ADCY1: variants seen among roughly 807,000 people sequenced by gnomAD.
ADCY1 encodes adenylate cyclase type 1.
ADCY1 carries 28 observed loss-of-function variants against 105.4 expected under a neutral mutation model. The ratio of observed to expected loss-of-function variants is 0.27; its 90% CI spans 0.20 to 0.36. ADCY1 has a LOEUF of 0.36. Ranked by LOEUF, ADCY1 falls within the 10% of genes least tolerant of loss-of-function variation. The probability of loss-of-function intolerance (pLI) is 1.00; values close to 1 mark genes in which losing one functional copy is unlikely to be tolerated. For synonymous variants in ADCY1, 655 were observed against 623.8 expected (o/e 1.05, Z -0.75); for missense variants, 977 against 1,434.2 (o/e 0.68, Z 5.15).
At chr7:45,609,896 G>T (rs1793485696) in intron 2 of ADCY1, among the ~76,000 whole-genome samples, 1 of 152,216 alleles carries the variant, frequency 6.6e-6, no homozygotes, top group African/African-American at 2.4e-5. Context: ...TAAGGGAGAA[G>T]TAAGAAGACA....
Position 45,574,909 on chromosome 7 carries a change from C to G in ADCY1, c.366C>G (p.Val122=), listed in dbSNP as rs755508070. ...RSLQVPQLQQ[V]GQLALLFSLT... is the part of the protein sequence containing the mutation. ...TGCAGGTGCCCCAGCTGCAGCAGGT[C>G]GGCCAGCTGGCGCTGCTCTTCAGCC... is the stretch of plus-strand genomic sequence containing the variant. The change falls in exon 1 of 20, where the codon GTC becomes GTG. Residue 122 remains valine, a synonymous_variant. Transcript: ENST00000297323. The surrounding 1 kb of genome is among the most constrained non-coding windows in gnomAD (Gnocchi z 7.0). 6.2e-7 allele frequency: 1 copy of G among 1,611,820 alleles called. No individual in the cohort carries two copies. Among genetic ancestry groups the G allele is most frequent in the African/African-American group, 1.3e-5 (1 of 74,906 alleles).
At chr7:45,633,842 A>C (rs1267674210) in intron 4 of ADCY1, among the ~76,000 whole-genome samples, 2 of 151,576 alleles carry the variant, frequency 1.3e-5, no homozygotes, top group African/African-American at 2.4e-5. Context: ...AACCGTAATT[A>C]CTTAAATTAC....
At chr7:45,639,104 C>A (rs1217505846) in intron 4 of ADCY1, among the ~76,000 whole-genome samples, 5 of 152,184 alleles carry the variant, frequency 3.3e-5, no homozygotes, top group African/African-American at 4.8e-5. Flanking sequence ...ACAGTCCAAA[C>A]ATATCTTTCT....
At chr7:45,704,304 AG>A (rs1225241551) in intron 16 of ADCY1, among the ~76,000 whole-genome samples, 1 of 151,854 alleles carries the variant, frequency 6.6e-6, no homozygotes, top group African/African-American at 2.4e-5. Flanking sequence ...GGTGGCTGCG[AG>A]CTCACCTGTT....
At chr7:45,604,863 T>C (rs909676220) in intron 2 of ADCY1, among the ~76,000 whole-genome samples, 3 of 152,212 alleles carry the variant, frequency 2.0e-5, no homozygotes, top group Admixed American at 6.5e-5. Flanking sequence ...ACTAAAGAAT[T>C]TGCTGGGATT....
In ADCY1 at chr7:45,595,394, A is replaced by G. The variant is rs187561139; in HGVS notation, c.789+2486A>G. ...TCCCGTTCTCCCTCTCCTTCTGCCT[A>G]TTGGTTTCCAACTTTCTCCCTCCCT... On this transcript the variant is annotated intron_variant, in intron 2 of 19. Coordinates refer to ENST00000297323, the MANE Select transcript of ADCY1 (RefSeq NM_021116.4). Among the ~76,000 whole-genome samples, 891 of 152,046 alleles carry G rather than the reference A, an allele frequency of 5.9e-3. 8 individuals are homozygous for G. Among genetic ancestry groups the G allele is most frequent in the African/African-American group, 0.02 (842 of 41,466 alleles).
At chr7:45,589,325 C>T (rs1432429616) in intron 1 of ADCY1, among the ~76,000 whole-genome samples, 6 of 152,062 alleles carry the variant, frequency 3.9e-5, no homozygotes, top group Non-Finnish European at 8.8e-5. Flanking sequence ...TGCAGATGGC[C>T]CGGGCCGGGC....
At position 45,720,481 on chromosome 7, in the gene ADCY1, A is replaced by C. The variant is rs1430226346; in HGVS notation, c.*6486A>C. On this transcript the variant is annotated 3_prime_UTR_variant, in exon 20 of 20. Coordinates refer to ENST00000297323, the MANE Select transcript of ADCY1 (RefSeq NM_021116.4). The stretch of plus-strand genomic sequence containing the variant: ...CAGTGAGCTGAGATTGCACCATTGC[A>C]CTCCAGCCTGGGCGACAGAGCAAGA... 1 of 150,022 alleles carries C rather than the reference A, an allele frequency of 6.7e-6. No individual in the cohort carries two copies. Among genetic ancestry groups the C allele is most frequent in the Non-Finnish European group, 1.5e-5 (1 of 67,702 alleles). 9.3% of individuals were successfully genotyped at this position (150,022 alleles called of 1,614,324 possible). A position where few individuals can be genotyped will look rare whatever the true frequency, so the allele number is the denominator to read the frequency against.
intron 2 of ADCY1, among the ~76,000 whole-genome samples, chr7:45,594,443 C>T (rs1053283736): frequency 6.6e-6 from 1 of 152,210 alleles, no homozygotes; most frequent in Non-Finnish European, 1.5e-5. Flanking sequence ...CCCTTAACTA[C>T]ATCCTCTGTA....
At chr7:45,626,598 A>T (rs1252610499) in intron 4 of ADCY1, among the ~76,000 whole-genome samples, 1 of 152,232 alleles carries the variant, frequency 6.6e-6, no homozygotes, top group Non-Finnish European at 1.5e-5. Context: ...AGAGAAATGA[A>T]GCAGCAGTCC....
Position 45,686,231 on chromosome 7 carries a change from C to T in ADCY1, c.2327+16C>T. On this transcript the variant is annotated intron_variant, in intron 13 of 19. Coordinates refer to ENST00000297323, the MANE Select transcript of ADCY1 (RefSeq NM_021116.4). The surrounding 1 kb of genome is among the most constrained non-coding windows in gnomAD (Gnocchi z 4.3). ...CCAGGACTGGGTAAGTGTGTGGCTC[C>T]TCAAGAAAAAGGCCTAAGCAGCGGT... 1.9e-6 allele frequency: 3 copies of T among 1,608,968 alleles called. No individual in the cohort carries two copies. In the Admixed American group the frequency reaches 5.0e-5, roughly 27 times the overall value.
At chr7:45,622,548 G>A in intron 3 of ADCY1, 84 bp from the exon 4 acceptor site, 2 of 943,536 alleles carry the variant, frequency 2.1e-6, no homozygotes, top group Non-Finnish European at 3.4e-6. Flanking sequence ...ACAGTGATTT[G>A]GAGATGTAAA....
At chr7:45,635,192 G>T (rs1794368032) in intron 4 of ADCY1, among the ~76,000 whole-genome samples, 3 of 144,878 alleles carry the variant, frequency 2.1e-5, no homozygotes, top group African/African-American at 2.6e-5. Flanking sequence ...GTATTTCCTT[G>T]TTTTCCTTCT....
intron 5 of ADCY1, among the ~76,000 whole-genome samples, chr7:45,656,878 G>A (rs1418876215): frequency 6.6e-6 from 1 of 152,230 alleles, no homozygotes; most frequent in Non-Finnish European, 1.5e-5. Flanking sequence ...GAGGAGGTTG[G>A]CCTCTTAAGC....
At chr7:45,615,781 A>G (rs762468711) in intron 3 of ADCY1, among the ~76,000 whole-genome samples, 152 of 135,396 alleles carry the variant, frequency 1.1e-3, no homozygotes, top group Non-Finnish European at 1.9e-3. Flanking sequence ...TTAACTTTGC[A>G]CCTCAAGAAG....
chr7:45,604,852 T>A (rs1232560844), intron 2 of ADCY1, among the ~76,000 whole-genome samples: 1 of 152,222 alleles, frequency 6.6e-6, no homozygotes, highest in African/African-American at 2.4e-5. Flanking sequence ...TGTCTATAGG[T>A]ACTAAAGAAT....
chr7:45,594,934 G>A (rs1325285239), intron 2 of ADCY1, among the ~76,000 whole-genome samples: 1 of 152,016 alleles, frequency 6.6e-6, no homozygotes, highest in Non-Finnish European at 1.5e-5. Flanking sequence ...CTGTCTTTTT[G>A]CTTATCATTT....
rs1300005198 is a variant in ADCY1 at position 45,647,180 on chromosome 7, G to A, written c.1021-1490G>A. Among the ~76,000 whole-genome samples, 1 of 152,248 alleles carries A rather than the reference G, an allele frequency of 6.6e-6. No homozygotes were observed. The highest frequency in any genetic ancestry group is 1.5e-5 in the Non-Finnish European group (1 of 68,046). On this transcript the variant is annotated intron_variant, in intron 4 of 19. Transcript: ENST00000297323. The surrounding 1 kb of genome is among the most constrained non-coding windows in gnomAD (Gnocchi z 4.6). Reference sequence around the variant, plus strand: ...CAGGACAACAGCAGGGTCATCAGCTGTCTGCTCAGCTCTGGGAAGATACTT... The same window carrying A: ...CAGGACAACAGCAGGGTCATCAGCTATCTGCTCAGCTCTGGGAAGATACTT...
chr7:45,625,634 T>C (rs543961529), intron 4 of ADCY1, among the ~76,000 whole-genome samples: 1 of 152,190 alleles, frequency 6.6e-6, no homozygotes, highest in Admixed American at 6.5e-5. Flanking sequence ...TGTGTACATG[T>C]GTGTAGGTGA....
Sources: allele counts gnomAD v4.1 joint callset (sites outside exome capture counted in the v4.1 genomes callset), GRCh38; gene constraint gnomAD v4.1.1; non-coding constraint Gnocchi (gnomAD v3.1); transcripts MANE v1.5; gene names NCBI Gene and HGNC (gene_info 2026-07-23, HGNC 2026-07-21).